The following ROS1 variants were observed in gnomAD, a reference collection of about 807,000 sequenced individuals.
ROS1 encodes proto-oncogene tyrosine-protein kinase ROS.
Under a neutral mutation model 273.5 loss-of-function variants are expected in ROS1, and 263 were observed. The ratio of observed to expected loss-of-function variants is 0.96; its 90% CI spans 0.87 to 1.06. The LOEUF is 1.06. Among genes scored for constraint, ROS1 ranks in the 50% least tolerant of loss-of-function variants. ROS1 has a pLI of 0.00. For missense variants in ROS1, 2,833 were observed against 2,751.1 expected, an observed-to-expected ratio of 1.03 and a Z score of -0.67; for synonymous variants, 1,008 against 954.1, an observed-to-expected ratio of 1.06 and a Z score of -1.04.
rs145995798 is a variant in ROS1 at position 117,374,295 on chromosome 6, A to G, written c.2582+4764T>C. 1.6e-4 allele frequency among the ~76,000 whole-genome samples: 24 copies of G among 152,332 alleles called. No individual in the cohort carries two copies. The East Asian group carries it at 4.4e-3, about 28-fold the overall frequency. ...ATGGTACTTGTATAAAAATAGACACACATATCAAAGTAACAAAATAGAGAA... is the reference window on the plus strand; with the variant it reads ...ATGGTACTTGTATAAAAATAGACACGCATATCAAAGTAACAAAATAGAGAA... On this transcript the variant is annotated intron_variant, in intron 18 of 43. Transcript: ENST00000368507.
At chr6:117,333,963 C>T (rs1777279592) in intron 32 of ROS1, among the ~76,000 whole-genome samples, 1 of 152,094 alleles carries the variant, frequency 6.6e-6, no homozygotes, top group Non-Finnish European at 1.5e-5. Context: ...CTCACCACTC[C>T]TATTCAACAT....
intron 32 of ROS1, among the ~76,000 whole-genome samples, chr6:117,336,118 G>A (rs1004243182): frequency 6.6e-6 from 1 of 151,928 alleles, no homozygotes; most frequent in African/African-American, 2.4e-5. Flanking sequence ...TGAAAATAAA[G>A]AAAACTATCA....
chr6:117,393,072 T>A (rs1773195016), intron 12 of ROS1, 152 bp downstream of exon 12: 2 of 686,562 alleles, frequency 2.9e-6, no homozygotes, highest in Middle Eastern at 3.9e-4. Context: ...CTCTACAGAA[T>A]GAAAACTTTG....
intron 27 of ROS1, among the ~76,000 whole-genome samples, chr6:117,350,254 G>T (rs73566829): frequency 6.6e-6 from 1 of 151,942 alleles, no homozygotes; most frequent in African/African-American, 2.4e-5. Context: ...ATTTCACAGG[G>T]TATGGAATTC....
intron 42 of ROS1, among the ~76,000 whole-genome samples, chr6:117,305,655 G>T (rs187572500): frequency 6.6e-6 from 1 of 152,018 alleles, no homozygotes; most frequent in African/African-American, 2.4e-5. Context: ...ATAAAACTTC[G>T]GTTCTCAAAT....
intron 24 of ROS1, among the ~76,000 whole-genome samples, 174 bp downstream of exon 24, chr6:117,359,635 A>G (rs1038046004): frequency 5.9e-5 from 9 of 152,228 alleles, no homozygotes; most frequent in Non-Finnish European, 1.3e-4. Context: ...GTGTTGAATG[A>G]CATTTGCCCA....
intron 2 of ROS1, 35 bp downstream of exon 2, chr6:117,418,427 T>C (rs1251734066): frequency 4.8e-6 from 7 of 1,467,832 alleles, no homozygotes; most frequent in East Asian, 4.6e-5. Context: ...AACACAAACA[T>C]TGTAATATTC....
chr6:117,425,716 AATT>A lies in ROS1; in HGVS notation c.-63_-61del. On this transcript the variant is annotated 5_prime_UTR_variant, in exon 1 of 44. It removes the in-frame stop codon of an upstream open reading frame in the 5' UTR. Coordinates refer to ENST00000368507, the MANE Select transcript of ROS1 (RefSeq NM_001378902.1). Reference sequence around the variant, plus strand: ...CTAATTTTCTCCATTTTGCTATATGAATTATTTGGGCTTCATCACTTCAATTGG... The same window carrying A: ...CTAATTTTCTCCATTTTGCTATATGAATTTGGGCTTCATCACTTCAATTGG... 8 of 1,584,330 alleles carry A rather than the reference AATT, an allele frequency of 5.0e-6. No homozygotes were observed. The highest frequency in any genetic ancestry group is 6.9e-6 in the Non-Finnish European group (8 of 1,161,636).
At chr6:117,390,432 G>C (rs961462357) in intron 12 of ROS1, among the ~76,000 whole-genome samples, 1 of 152,116 alleles carries the variant, frequency 6.6e-6, no homozygotes, top group African/African-American at 2.4e-5. Flanking sequence ...TGGCCAGGAA[G>C]GGTCTTTCAA....
chr6:117,407,316 T>A (rs1213985562), intron 5 of ROS1, among the ~76,000 whole-genome samples: 2 of 152,150 alleles, frequency 1.3e-5, no homozygotes, highest in African/African-American at 4.8e-5. Flanking sequence ...ATTCTGGAAA[T>A]GATATCTGCT....
At chr6:117,288,894 C>A in intron 43 of ROS1, 92 bp from the exon 44 acceptor site, 1 of 1,008,938 alleles carries the variant, frequency 9.9e-7, no homozygotes, top group South Asian at 1.8e-5. Context: ...GCAACACCAA[C>A]TTTACACATT....
intron 7 of ROS1, among the ~76,000 whole-genome samples, chr6:117,402,079 G>T (rs751529052): frequency 6.6e-6 from 1 of 152,002 alleles, no homozygotes; most frequent in Non-Finnish European, 1.5e-5. Flanking sequence ...AAGGCAGTTC[G>T]CATCAGATCG....
In ROS1 at chr6:117,389,639, G is replaced by T; in HGVS notation, c.1497C>A (p.Ile499=). The change falls in exon 13 of 44, where the codon ATC becomes ATA. Residue 499 remains isoleucine (I), a synonymous_variant. Coordinates refer to ENST00000368507, the MANE Select transcript of ROS1 (RefSeq NM_001378902.1). ...CATCAGCAAAGGGGATGCGAGGTAGGATGAGATGGGAAGCAGAGCCATCCA... is the reference window on the plus strand; with the variant it reads ...CATCAGCAAAGGGGATGCGAGGTAGTATGAGATGGGAAGCAGAGCCATCCA... ...TFLDGSASHL[I]LPRIPFADVK... 6.2e-7 allele frequency: 1 copy of T among 1,614,252 alleles called. No homozygotes were observed.
rs752321867 is a variant in ROS1, at chr6:117,288,455, G to C, written c.*37C>G. On this transcript the variant is annotated 3_prime_UTR_variant, in exon 44 of 44. Coordinates refer to ENST00000368507, the MANE Select transcript of ROS1 (RefSeq NM_001378902.1). ...TTCTTTCAGTAACTACTGAATGAGA[G>C]TGTTTATCTCAACTCTCTATTTCCC... The C allele has an allele frequency of 3.3e-6, 5 of 1,518,776 alleles. No individual in the cohort carries two copies. Among genetic ancestry groups the C allele is most frequent in the African/African-American group, 1.4e-5 (1 of 72,078 alleles). The allele number at this position is 1,518,776 out of a possible 1,614,324, so 94.1% of individuals were successfully genotyped here.
chr6:117,313,529 C>G (rs680920), intron 39 of ROS1, among the ~76,000 whole-genome samples: 1 of 150,966 alleles, frequency 6.6e-6, no homozygotes, highest in Non-Finnish European at 1.5e-5. Context: ...GCCAAGATCA[C>G]GCCACTGCAC....
chr6:117,413,293 G>A (rs1344678600), intron 4 of ROS1, among the ~76,000 whole-genome samples: 13 of 152,036 alleles, frequency 8.6e-5, no homozygotes, highest in South Asian at 4.1e-4. Flanking sequence ...GGGGACAGTC[G>A]TGCTATGTTT....
rs1318153813 is a variant in ROS1, at chr6:117,403,119, G to C, written c.604+20C>G. On this transcript the variant is annotated intron_variant, in intron 7 of 43. Transcript: ENST00000368507. ...GCTTTGGAATAATGTCCTTTCATAA[G>C]AAATGTGTGCACACCATACCTCCAT... The C allele has an allele frequency of 6.2e-7, 1 of 1,612,708 alleles. No homozygotes were observed.
chr6:117,301,027 T>C lies in ROS1; in HGVS notation c.6662A>G (p.Tyr2221Cys), dbSNP rs565633598. 11 of 1,605,430 alleles carry C rather than the reference T, an allele frequency of 6.9e-6. No homozygotes were observed. The highest frequency in any genetic ancestry group is 5.3e-5 in the African/African-American group (4 of 74,864). The change falls in exon 43 of 44, where the codon TAT becomes TGT. Residue 2221 changes from tyrosine to cysteine, a missense_variant. Tyr to Cys is a radical substitution (Grantham distance 194, BLOSUM62 -2). Coordinates refer to ENST00000368507, the MANE Select transcript of ROS1 (RefSeq NM_001378902.1). ...LFRNFFLNSI[Y>C]KSRDEANNSG... ...GTTGTTTGCTTCATCTCTGGACTTA[T>C]AAATGCTATTTAAGAAAAAATTTCT... is the stretch of plus-strand genomic sequence containing the variant.
chr6:117,338,974 C>A (rs11961160), intron 31 of ROS1, among the ~76,000 whole-genome samples: 1 of 152,074 alleles, frequency 6.6e-6, no homozygotes, highest in Non-Finnish European at 1.5e-5. Context: ...GAGAAAAACA[C>A]AATTTTAATG....
Sources: allele counts gnomAD v4.1 joint callset (sites outside exome capture counted in the v4.1 genomes callset), GRCh38; gene constraint gnomAD v4.1.1; transcripts MANE v1.5; gene names NCBI Gene and HGNC (gene_info 2026-07-23, HGNC 2026-07-21).